The following IRX5 variants were observed in gnomAD, a reference collection of about 807,000 sequenced individuals.
IRX5 encodes iroquois-class homeodomain protein IRX-5.
In IRX5, 8 loss-of-function variants were observed where a neutral mutation model predicts 37.6. The observed-to-expected ratio is 0.21, with a 90% confidence interval of 0.12 to 0.38. The LOEUF (loss-of-function observed/expected upper bound fraction) is 0.38. Ranked by LOEUF, IRX5 falls within the 10% of genes least tolerant of loss-of-function variation. The pLI, the probability that IRX5 is intolerant of heterozygous loss-of-function variation, is 1.00. For missense variants in IRX5, 635 were observed against 695.2 expected (o/e 0.91, Z 0.97); for synonymous variants, 359 against 328.6 (o/e 1.09, Z -1.00).
rs1192559740 is a variant in IRX5, at chr16:54,931,014, G to T, written c.-185G>T. 2.7e-5 allele frequency: 5 copies of T among 186,200 alleles called. No individual in the cohort carries two copies. Among genetic ancestry groups the T allele is most frequent in the Admixed American group, 6.5e-5 (1 of 15,350 alleles). 11.5% of individuals were successfully genotyped at this position (186,200 alleles called of 1,614,324 possible). On this transcript the variant is annotated 5_prime_UTR_variant, in exon 1 of 3. Coordinates refer to ENST00000394636, the MANE Select transcript of IRX5 (RefSeq NM_005853.6). ...AGGCGCGCAGAGGAGCGGGCGCGGC[G>T]GTCGCAGCCGGAGGCGCGCGGGAAG... is the stretch of plus-strand genomic sequence containing the variant.
Position 54,933,713 on chromosome 16 carries a change from C to T in IRX5, c.1292C>T (p.Pro431Leu), listed in dbSNP as rs368818152. The T allele has an allele frequency of 8.7e-5, 140 of 1,613,844 alleles. 1 individual carries two copies. Among genetic ancestry groups the T allele is most frequent in the Non-Finnish European group, 1.1e-4 (130 of 1,179,984 alleles). Residue 431 changes from proline to leucine, a missense_variant, in exon 3 of 3, where the codon CCC (proline) becomes CTC (leucine). Pro to Leu is a moderately conservative substitution (Grantham distance 98). This residue lies in a region of IRX5 where 188 missense variants were observed against 200.8 expected (regional missense o/e 0.94). Coordinates refer to ENST00000394636, the MANE Select transcript of IRX5 (RefSeq NM_005853.6). ...GGCCACCCGGGGCCCGGGCCAGGCCCCACAACCGGTCCGGGGTCTCATTTC... is the reference window on the plus strand; with the variant it reads ...GGCCACCCGGGGCCCGGGCCAGGCCTCACAACCGGTCCGGGGTCTCATTTC... ...LHGHPGPGPG[P>L]TTGPGSHFNG...
Position 54,933,566 on chromosome 16 carries a change from C to T in IRX5, c.1145C>T (p.Pro382Leu), listed in dbSNP as rs202086902. 2 of 1,608,386 alleles carry T rather than the reference C, an allele frequency of 1.2e-6. No homozygotes were observed. The highest frequency in any genetic ancestry group is 1.1e-5 in the South Asian group (1 of 90,504). The change falls in exon 3 of 3, where the codon CCG (proline) becomes CTG (leucine). Residue 382 changes from proline (P) to leucine (L), a missense_variant. Physicochemically the swap from Pro to Leu is moderately conservative, Grantham distance 98 (BLOSUM62 -3). Transcript: ENST00000394636. ...GGSRASPAPA[P>L]SRSPSAQCPF... ...AGCCGGGCGTCGCCGGCCCCGGCGC[C>T]GTCACGCTCGCCCTCGGCGCAGTGT...
Position 54,933,324 on chromosome 16 carries a change from T to C in IRX5, c.903T>C (p.His301=), listed in dbSNP as rs1323768390. ...CCGGAGCGCCGGCGCCCGGCCCGCA[T>C]CCAGCCGCGGGCGAGGTGCCTCCGG... The part of the protein sequence containing the change: ...YPAGAPAPGP[H]PAAGEVPPGP... The change falls in exon 3 of 3, where the codon CAT becomes CAC. Residue 301 remains histidine, a synonymous_variant. Coordinates refer to ENST00000394636, the MANE Select transcript of IRX5 (RefSeq NM_005853.6). The C allele has an allele frequency of 6.2e-6, 9 of 1,460,676 alleles. No individual in the cohort carries two copies. In the South Asian group the frequency reaches 1.2e-4, roughly 19 times the overall value. 90.5% of individuals were successfully genotyped at this position (1,460,676 alleles called of 1,614,324 possible).
At position 54,933,224 on chromosome 16, in the gene IRX5, C is replaced by A. The variant is rs1481171946; in HGVS notation, c.803C>A (p.Pro268His). The A allele has an allele frequency of 6.7e-7, 1 of 1,493,322 alleles. No homozygotes were observed. The highest frequency in any genetic ancestry group is 1.2e-5 in the South Asian group (1 of 80,444). The allele number at this position is 1,493,322 out of a possible 1,614,324, so 92.5% of individuals were successfully genotyped here. A position where few individuals can be genotyped will look rare whatever the true frequency, so the allele number is the denominator to read the frequency against. Reference sequence around the variant, plus strand: ...CGCCTCGACGCGCTGCAGGGCCCCCCCCGCACCGGCGGGCCCTCCCCGGCT... The same window carrying A: ...CGCCTCGACGCGCTGCAGGGCCCCCACCGCACCGGCGGGCCCTCCCCGGCT... ...EGRLDALQGP[P>H]RTGGPSPAGP... The change falls in exon 3 of 3, where the codon CCC becomes CAC. Residue 268 changes from proline to histidine, a missense_variant. Pro to His is a moderately conservative substitution (Grantham distance 77). Around this residue, in one of 5 missense-constraint regions of IRX5, gnomAD observed 244 missense variants for 205.4 expected, o/e 1.19. Coordinates refer to ENST00000394636, the MANE Select transcript of IRX5 (RefSeq NM_005853.6).
intron 1 of IRX5, chr16:54,931,908 AT>A: frequency 1.6e-6 from 1 of 610,480 alleles, no homozygotes; most frequent in Non-Finnish European, 2.9e-6. Flanking sequence ...TCGCAATCCG[AT>A]TTGGGAGTAT....
rs1476720307 is a variant in IRX5 at position 54,934,109 on chromosome 16, C to T, written c.*236C>T. ...AAAAGGATTTGTATTAAATCTTATT[C>T]TGTATATTTAATGTAGCATTTTTGT... is the stretch of plus-strand genomic sequence containing the variant. On this transcript the variant is annotated 3_prime_UTR_variant, in exon 3 of 3. Transcript: ENST00000394636. 1 of 362,840 alleles carries T rather than the reference C, an allele frequency of 2.8e-6. No individual in the cohort carries two copies. Among genetic ancestry groups the T allele is most frequent in the Non-Finnish European group, 4.9e-6 (1 of 205,052 alleles). 22.5% of individuals were successfully genotyped at this position (362,840 alleles called of 1,614,324 possible). A position where few individuals can be genotyped will look rare whatever the true frequency, so the allele number is the denominator to read the frequency against.
chr16:54,932,671 C>A lies in IRX5; in HGVS notation c.423C>A (p.Pro141=). ...WLNEHRKNPY[P]TKGEKIMLAI... ...ACGAGCACCGCAAGAACCCCTACCC[C>A]ACCAAGGGCGAGAAGATCATGCTGG... Residue 141 remains proline (P), a synonymous_variant, in exon 2 of 3, where the codon CCC becomes CCA. Coordinates refer to ENST00000394636, the MANE Select transcript of IRX5 (RefSeq NM_005853.6). The surrounding 1 kb of genome is among the most constrained non-coding windows in gnomAD (Gnocchi z 6.7). The A allele has an allele frequency of 6.2e-7, 1 of 1,614,072 alleles. No individual in the cohort carries two copies. The highest frequency in any genetic ancestry group is 8.5e-7 in the Non-Finnish European group (1 of 1,180,046).
In IRX5 at chr16:54,931,220, T is replaced by C. The variant is rs531728219; in HGVS notation, c.22T>C (p.Leu8=). The C allele has an allele frequency of 1.6e-4, 262 of 1,610,718 alleles. 2 individuals are homozygous for C. In the South Asian group the frequency reaches 2.7e-3, roughly 16 times the overall value. ...GGCCATGTCCTATCCGCAGGGCTAC[T>C]TGTACCAGCCGTCCGCCTCGCTGGC... MSYPQGY[L]YQPSASLALY... The change falls in exon 1 of 3, where the codon TTG becomes CTG. Residue 8 remains leucine (L), a synonymous_variant. Transcript: ENST00000394636.
chr16:54,933,978 C>T lies in IRX5; in HGVS notation c.*105C>T. On this transcript the variant is annotated 3_prime_UTR_variant, in exon 3 of 3. Transcript: ENST00000394636. ...AGAGACAGAGAGAGAAAATAAACTACCCCTCCTATTCAGAAGTTTATAGTT... is the reference window on the plus strand; with the variant it reads ...AGAGACAGAGAGAGAAAATAAACTATCCCTCCTATTCAGAAGTTTATAGTT... 2 of 1,181,850 alleles carry T rather than the reference C, an allele frequency of 1.7e-6. No homozygotes were observed. The highest frequency in any genetic ancestry group is 3.7e-5 in the South Asian group (2 of 53,820). The allele number at this position is 1,181,850 out of a possible 1,614,324, so 73.2% of individuals were successfully genotyped here. A position where few individuals can be genotyped will look rare whatever the true frequency, so the allele number is the denominator to read the frequency against.
At position 54,933,326 on chromosome 16, in the gene IRX5, C is replaced by G. The variant is rs761840819; in HGVS notation, c.905C>G (p.Pro302Arg). ...PAGAPAPGPHPAAGEVPPGPG... is the reference protein window; with the variant it reads ...PAGAPAPGPHRAAGEVPPGPG... ...GGAGCGCCGGCGCCCGGCCCGCATCCAGCCGCGGGCGAGGTGCCTCCGGGT... is the reference window on the plus strand; with the variant it reads ...GGAGCGCCGGCGCCCGGCCCGCATCGAGCCGCGGGCGAGGTGCCTCCGGGT... The change falls in exon 3 of 3, where the codon CCA becomes CGA. Residue 302 changes from proline (P) to arginine (R), a missense_variant. Physicochemically the swap from Pro to Arg is moderately radical, Grantham distance 103 (BLOSUM62 -2). This residue lies in a region of IRX5 where 244 missense variants were observed against 205.4 expected (regional missense o/e 1.19). Transcript: ENST00000394636. The G allele has an allele frequency of 3.8e-5, 56 of 1,462,386 alleles. No individual in the cohort carries two copies. In the African/African-American group the frequency reaches 7.6e-4, roughly 20 times the overall value. The allele number at this position is 1,462,386 out of a possible 1,614,324, so 90.6% of individuals were successfully genotyped here.
chr16:54,933,024 C>G (rs1458680691), intron 2 of IRX5, 53 bp from the exon 3 acceptor site: 1 of 1,603,244 alleles, frequency 6.2e-7, no homozygotes, highest in Non-Finnish European at 8.5e-7. Flanking sequence ...GGGCGGGAAC[C>G]GGGTCCCGCC....
chr16:54,932,319 T>C lies in IRX5; in HGVS notation c.250-179T>C. 1 of 717,026 alleles carries C rather than the reference T, an allele frequency of 1.4e-6. No individual in the cohort carries two copies. Among genetic ancestry groups the C allele is most frequent in the Non-Finnish European group, 2.3e-6 (1 of 436,288 alleles). The allele number at this position is 717,026 out of a possible 1,614,324, so 44.4% of individuals were successfully genotyped here. Reference sequence around the variant, plus strand: ...AGAAATTGAGGTCCCCGCTGCCTTCTGAGGAGGGGGAGGAGTTGCTCCTAG... The same window carrying C: ...AGAAATTGAGGTCCCCGCTGCCTTCCGAGGAGGGGGAGGAGTTGCTCCTAG... On this transcript the variant is annotated intron_variant, in intron 1 of 2. Transcript: ENST00000394636. The surrounding 1 kb of genome is among the most constrained non-coding windows in gnomAD (Gnocchi z 6.7).
intron 1 of IRX5, 70 bp downstream of exon 1, chr16:54,931,517 A>T: frequency 1.4e-6 from 2 of 1,456,766 alleles, no homozygotes; most frequent in South Asian, 2.8e-5. Context: ...GCGGAGGGGG[A>T]CACGGGCCTA....
At position 54,932,185 on chromosome 16, in the gene IRX5, C is replaced by T; in HGVS notation, c.250-313C>T. 1.4e-6 allele frequency: 1 copy of T among 702,814 alleles called. No homozygotes were observed. Among genetic ancestry groups the T allele is most frequent in the Non-Finnish European group, 2.6e-6 (1 of 384,952 alleles). 43.5% of individuals were successfully genotyped at this position (702,814 alleles called of 1,614,324 possible). A position where few individuals can be genotyped will look rare whatever the true frequency, so the allele number is the denominator to read the frequency against. On this transcript the variant is annotated intron_variant, in intron 1 of 2. Coordinates refer to ENST00000394636, the MANE Select transcript of IRX5 (RefSeq NM_005853.6). The surrounding 1 kb of genome is among the most constrained non-coding windows in gnomAD (Gnocchi z 6.7). The stretch of plus-strand genomic sequence containing the variant: ...CCTCTATCTGCATGGAGGGCCGGGC[C>T]GCCGTGGCCAGATCTGCGCACGGGG...
chr16:54,933,138 A>G lies in IRX5; in HGVS notation c.717A>G (p.Ala239=), dbSNP rs369095091. 59 of 1,584,526 alleles carry G rather than the reference A, an allele frequency of 3.7e-5. No homozygotes were observed. The African/African-American group carries it at 7.5e-4, about 20-fold the overall frequency. Residue 239 remains alanine, a synonymous_variant, in exon 3 of 3, where the codon GCA becomes GCG. Transcript: ENST00000394636. ...CERLQGPPTP[A]GKETEGSLSD... ...GGCTTCAGGGACCACCCACCCCTGC[A>G]GGCAAGGAGACGGAGGGCAGCCTCA... is the stretch of plus-strand genomic sequence containing the variant.
chr16:54,931,662 G>T (rs1304224056), intron 1 of IRX5, among the ~76,000 whole-genome samples: 10 of 152,252 alleles, frequency 6.6e-5, no homozygotes, highest in African/African-American at 2.4e-4. Flanking sequence ...GGATCGCTGA[G>T]CTGGCGGGAA....
rs1963905942 is a variant in IRX5 at position 54,932,163 on chromosome 16, C to T, written c.250-335C>T. The T allele has an allele frequency of 4.3e-6, 3 of 702,928 alleles. No individual in the cohort carries two copies. The highest frequency in any genetic ancestry group is 7.8e-6 in the Non-Finnish European group (3 of 384,982). 43.5% of individuals were successfully genotyped at this position (702,928 alleles called of 1,614,324 possible). Reference sequence around the variant, plus strand: ...GGAGTCGCCTCAGTTGCCCAGGCCTCTATCTGCATGGAGGGCCGGGCCGCC... The same window carrying T: ...GGAGTCGCCTCAGTTGCCCAGGCCTTTATCTGCATGGAGGGCCGGGCCGCC... On this transcript the variant is annotated intron_variant, in intron 1 of 2. Coordinates refer to ENST00000394636, the MANE Select transcript of IRX5 (RefSeq NM_005853.6). This position sits in a 1 kb window ranked among gnomAD's most constrained non-coding sequence, Gnocchi z 6.7.
rs1415596380 is a variant in IRX5 at position 54,933,471 on chromosome 16, G to A, written c.1050G>A (p.Gly350=). The A allele has an allele frequency of 6.2e-7, 1 of 1,611,998 alleles. No homozygotes were observed. The highest frequency in any genetic ancestry group is 8.5e-7 in the Non-Finnish European group (1 of 1,179,476). The change falls in exon 3 of 3, where the codon GGG becomes GGA. Residue 350 remains glycine, a synonymous_variant. Transcript: ENST00000394636. ...CATCGTCGGACAAGGTCAAGGACGG[G>A]GGCGGCGGGAACGAGGGCTCTCCAT... ...IATSSDKVKD[G]GGGNEGSPCP...
chr16:54,932,017 C>T lies in IRX5; in HGVS notation c.250-481C>T, dbSNP rs368155256. On this transcript the variant is annotated intron_variant, in intron 1 of 2. Coordinates refer to ENST00000394636, the MANE Select transcript of IRX5 (RefSeq NM_005853.6). The surrounding 1 kb of genome is among the most constrained non-coding windows in gnomAD (Gnocchi z 6.7). ...GTAGTATTTTTGGAGGGTGGGAGTG[C>T]GTGGGCATGGCTCAGCTTTTTGTTT... 4.6e-5 allele frequency: 32 copies of T among 697,906 alleles called. No homozygotes were observed. In the African/African-American group the frequency reaches 5.3e-4, roughly 11 times the overall value. 43.2% of individuals were successfully genotyped at this position (697,906 alleles called of 1,614,324 possible). A position where few individuals can be genotyped will look rare whatever the true frequency, so the allele number is the denominator to read the frequency against.
Sources: gnomAD v4.1 joint callset for allele counts (sites outside exome capture counted in the v4.1 genomes callset) on GRCh38, gnomAD v4.1.1 for gene constraint, gnomAD v4.1.1 regional missense constraint, Gnocchi (gnomAD v3.1) non-coding constraint, MANE v1.5 for transcripts, NCBI Gene and HGNC (gene_info 2026-07-23, HGNC 2026-07-21) for gene names.